MERTK: variants seen among roughly 807,000 people sequenced by gnomAD.
MERTK encodes the protein MER proto-oncogene, tyrosine kinase.
In MERTK, 69 loss-of-function variants were observed where a neutral mutation model predicts 99.3. The ratio of observed to expected loss-of-function variants is 0.70; its 90% CI spans 0.57 to 0.85. The LOEUF (loss-of-function observed/expected upper bound fraction) is 0.85. MERTK is among the 40% of genes least tolerant of loss of function. MERTK has a pLI of 0.00. For missense variants in MERTK, 1,125 were observed against 1,249.4 expected, an observed-to-expected ratio of 0.90 and a Z score of 1.50; for synonymous variants, 426 against 467.6, an observed-to-expected ratio of 0.91 and a Z score of 1.15.
chr2:111,953,167 C>A (rs757410509), intron 4 of MERTK, among the ~76,000 whole-genome samples: 1 of 152,110 alleles, frequency 6.6e-6, no homozygotes, highest in African/African-American at 2.4e-5. Flanking sequence ...CAGGGGCCAT[C>A]GGGTACCAAA....
intron 1 of MERTK, among the ~76,000 whole-genome samples, chr2:111,909,673 A>G (rs966383479): frequency 3.3e-5 from 5 of 152,230 alleles, no homozygotes; most frequent in Admixed American, 2.0e-4. Flanking sequence ...ATGTAGACAT[A>G]TAGCTTAGAA....
rs190022390 is a variant in MERTK at position 111,921,594 on chromosome 2, A to G, written c.62-7526A>G. ...ATAGCAAATACCTTCAGCAGACAGCAAGACTGGTGAGGAAACAGCATACCT... is the reference window on the plus strand; with the variant it reads ...ATAGCAAATACCTTCAGCAGACAGCGAGACTGGTGAGGAAACAGCATACCT... On this transcript the variant is annotated intron_variant, in intron 1 of 18. Coordinates refer to ENST00000295408, the MANE Select transcript of MERTK (RefSeq NM_006343.3). 1.4e-3 allele frequency among the ~76,000 whole-genome samples: 213 copies of G among 152,230 alleles called. 1 individual carries two copies. The highest frequency in any genetic ancestry group is 4.6e-3 in the African/African-American group (190 of 41,520).
At chr2:111,935,150 A>G (rs1034238155) in intron 2 of MERTK, among the ~76,000 whole-genome samples, 24 of 152,210 alleles carry the variant, frequency 1.6e-4, no homozygotes, top group Non-Finnish European at 1.0e-4. Flanking sequence ...ATCAATACAC[A>G]TATGCAAGTA....
intron 7 of MERTK, among the ~76,000 whole-genome samples, chr2:111,980,664 C>G (rs557210399): frequency 6.6e-6 from 1 of 152,040 alleles, no homozygotes; most frequent in Non-Finnish European, 1.5e-5. Context: ...GTGACCCACC[C>G]GCCTCGGCCT....
rs766157024 is a variant in MERTK, at chr2:111,929,316, C to T, written c.258C>T (p.Val86=). The T allele has an allele frequency of 1.1e-5, 17 of 1,614,014 alleles. No homozygotes were observed. Among genetic ancestry groups the T allele is most frequent in the Admixed American group, 1.7e-5 (1 of 59,994 alleles). The change falls in exon 2 of 19, where the codon GTC becomes GTT. Residue 86 remains valine (V), a synonymous_variant. Transcript: ENST00000295408. The part of the protein sequence containing the change: ...GNVAIPQVTS[V]ESKPLPPLAF... ...TAGCCATTCCCCAGGTGACCTCTGTCGAATCAAAGCCCCTACCGCCTCTTG... is the reference window on the plus strand; with the variant it reads ...TAGCCATTCCCCAGGTGACCTCTGTTGAATCAAAGCCCCTACCGCCTCTTG...
chr2:111,901,202 A>T (rs1516629), intron 1 of MERTK, among the ~76,000 whole-genome samples: 2 of 152,024 alleles, frequency 1.3e-5, no homozygotes, highest in Non-Finnish European at 2.9e-5. Flanking sequence ...CTGAAGGGCC[A>T]GGGAGAGGAT....
intron 2 of MERTK, among the ~76,000 whole-genome samples, chr2:111,936,185 G>T (rs1002511052): frequency 2.2e-4 from 33 of 152,080 alleles, no homozygotes; most frequent in Non-Finnish European, 1.3e-4. Context: ...CAAAGTGCTG[G>T]TATTATAGGC....
intron 1 of MERTK, among the ~76,000 whole-genome samples, chr2:111,899,505 GTGT>G (rs1364584388): frequency 1.3e-5 from 2 of 152,208 alleles, no homozygotes; most frequent in Admixed American, 6.5e-5. Context: ...ATTCAGCGAA[GTGT>G]TGTTACAGGC....
chr2:112,023,124 A>G (rs969222477), intron 18 of MERTK, among the ~76,000 whole-genome samples: 48 of 152,216 alleles, frequency 3.2e-4, no homozygotes, highest in African/African-American at 1.2e-3. Context: ...TTAAAAAATA[A>G]TAAAATAAGG....
At chr2:111,947,221 C>T (rs1295924234) in intron 3 of MERTK, among the ~76,000 whole-genome samples, 173 bp from the exon 4 acceptor site, 1 of 152,054 alleles carries the variant, frequency 6.6e-6, no homozygotes, top group Non-Finnish European at 1.5e-5. Flanking sequence ...TGCAGTGAGC[C>T]GACATCAGGC....
At chr2:111,979,811 T>C (rs1676331778) in intron 7 of MERTK, among the ~76,000 whole-genome samples, 1 of 152,134 alleles carries the variant, frequency 6.6e-6, no homozygotes, top group Non-Finnish European at 1.5e-5. Context: ...GATATCTCAA[T>C]TATTTTTTGT....
intron 8 of MERTK, among the ~76,000 whole-genome samples, chr2:111,992,227 A>G (rs1676634795): frequency 6.6e-6 from 1 of 152,164 alleles, no homozygotes; most frequent in Non-Finnish European, 1.5e-5. Context: ...TAATAGTACT[A>G]GATCATGCCT....
rs181323555 is a variant in MERTK at position 112,023,306 on chromosome 2, C to T, written c.2486+912C>T. On this transcript the variant is annotated intron_variant, in intron 18 of 18. Coordinates refer to ENST00000295408, the MANE Select transcript of MERTK (RefSeq NM_006343.3). ...GCGGGCGCCTGTAGTCCCAGCTACT[C>T]GGGAGGCTGAGGCAGGAGAATGGCG... is the stretch of plus-strand genomic sequence containing the variant. Among the ~76,000 whole-genome samples, 200 of 151,916 alleles carry T rather than the reference C, an allele frequency of 1.3e-3. 4 individuals are homozygous for T. Among genetic ancestry groups the T allele is most frequent in the East Asian group, 0.013 (66 of 5,164 alleles).
intron 15 of MERTK, among the ~76,000 whole-genome samples, chr2:112,017,989 T>A (rs896209752): frequency 2.0e-5 from 3 of 152,134 alleles, no homozygotes; most frequent in Non-Finnish European, 2.9e-5. Context: ...CAGAGTTGGC[T>A]AGGTGGGTGC....
At chr2:111,928,254 C>A (rs1299767352) in intron 1 of MERTK, among the ~76,000 whole-genome samples, 1 of 115,696 alleles carries the variant, frequency 8.6e-6, no homozygotes, top group African/African-American at 3.4e-5. Context: ...GAGACAGGGT[C>A]TCACTCTGTC....
intron 10 of MERTK, among the ~76,000 whole-genome samples, chr2:111,998,006 C>T (rs1030598725): frequency 1.3e-5 from 2 of 152,160 alleles, no homozygotes; most frequent in African/African-American, 2.4e-5. Flanking sequence ...TGGAGTGGGA[C>T]AGAATGAGTG....
At chr2:111,951,795 A>G (rs550143117) in intron 4 of MERTK, among the ~76,000 whole-genome samples, 3 of 152,128 alleles carry the variant, frequency 2.0e-5, no homozygotes, top group Admixed American at 2.0e-4. Context: ...ATTTTCATCA[A>G]CAGTGTACAG....
At chr2:111,950,495 C>T (rs920072563) in intron 4 of MERTK, among the ~76,000 whole-genome samples, 12 of 152,194 alleles carry the variant, frequency 7.9e-5, no homozygotes, top group Non-Finnish European at 2.9e-5. Flanking sequence ...GTGATTGTGC[C>T]ATCTTTCATT....
chr2:111,992,767 GAAAGAAA>G (rs1676652658), intron 8 of MERTK, among the ~76,000 whole-genome samples: 1 of 140,652 alleles, frequency 7.1e-6, no homozygotes, highest in African/African-American at 2.8e-5. Context: ...AAAAAAAAAA[GAAAGAAA>G]AAAGAAAAAA....
Sources: gnomAD v4.1 joint callset for allele counts (sites outside exome capture counted in the v4.1 genomes callset) on GRCh38, gnomAD v4.1.1 for gene constraint, MANE v1.5 for transcripts, NCBI Gene and HGNC (gene_info 2026-07-23, HGNC 2026-07-21) for gene names.